The following DCDC1 variants were observed in gnomAD, a reference collection of about 807,000 sequenced individuals.
DCDC1 encodes doublecortin domain containing 1.
In DCDC1, 200 loss-of-function variants were observed where a neutral mutation model predicts 178.3. That is an observed-to-expected ratio of 1.12 (90% CI 1.00 to 1.26). The LOEUF is 1.26. Among genes scored for constraint, DCDC1 ranks in the 50% most tolerant of loss-of-function variants. The probability of loss-of-function intolerance (pLI) is 0.00; values close to 1 mark genes in which losing one functional copy is unlikely to be tolerated. For synonymous variants in DCDC1, 690 were observed against 604.8 expected (o/e 1.14, Z -2.07); for missense variants, 1,983 against 1,749.2 (o/e 1.13, Z -2.38).
At position 31,081,096 on chromosome 11, in the gene DCDC1, T is replaced by C. The variant is rs1431350419; in HGVS notation, c.2238-3171A>G. On this transcript the variant is annotated intron_variant, in intron 17 of 38. Transcript: ENST00000684477. The stretch of plus-strand genomic sequence containing the variant: ...GGCAACTGTGTGAGGGCAGAGACCA[T>C]GTATCCTCAGAGCTGATCACAAGGC... Among the ~76,000 whole-genome samples the C allele has an allele frequency of 2.0e-5, 3 of 152,176 alleles. No individual in the cohort carries two copies. In the South Asian group the frequency reaches 6.2e-4, roughly 32 times the overall value.
chr11:31,081,742 T>C (rs755640213), intron 17 of DCDC1, among the ~76,000 whole-genome samples: 5 of 152,230 alleles, frequency 3.3e-5, no homozygotes, highest in African/African-American at 4.8e-5. Flanking sequence ...TAAAACCATG[T>C]AGTCTTATAT....
intron 20 of DCDC1, among the ~76,000 whole-genome samples, chr11:30,984,973 A>G (rs937386157): frequency 1.3e-5 from 2 of 152,208 alleles, no homozygotes; most frequent in African/African-American, 4.8e-5. Flanking sequence ...CCAGGGTCTC[A>G]AAGTCCCCAC....
chr11:31,192,603 A>G (rs1057069843), intron 9 of DCDC1, among the ~76,000 whole-genome samples: 1 of 152,118 alleles, frequency 6.6e-6, no homozygotes, highest in African/African-American at 2.4e-5. Flanking sequence ...TGATATGCAT[A>G]CATACACATA....
chr11:31,040,855 C>T (rs1017868484), intron 20 of DCDC1, among the ~76,000 whole-genome samples: 10 of 152,160 alleles, frequency 6.6e-5, no homozygotes, highest in African/African-American at 2.4e-4. Flanking sequence ...GCTAGAAAAG[C>T]TGGGTCAATA....
chr11:31,102,142 G>A (rs777807576), intron 15 of DCDC1, 35 bp downstream of exon 15: 28 of 622,642 alleles, frequency 4.5e-5, no homozygotes, highest in Middle Eastern at 5.0e-4. Flanking sequence ...AATACATAAA[G>A]TGCACCTTTT....
rs1464577517 is a variant in DCDC1 at position 30,925,359 on chromosome 11, C to G, written c.2947G>C (p.Glu983Gln). 1.1e-5 allele frequency: 18 copies of G among 1,613,620 alleles called. No individual in the cohort carries two copies. Among genetic ancestry groups the G allele is most frequent in the Non-Finnish European group, 1.5e-5 (18 of 1,179,786 alleles). Residue 983 changes from glutamate (E) to glutamine (Q), a missense_variant, in exon 23 of 39, where the codon GAA (glutamate) becomes CAA (glutamine). Transcript: ENST00000684477. ...LPSAARRLYN[E>Q]KGKEIFALKD... is the part of the protein sequence containing the mutation. ...AAGGCAAATATTTCCTTCCCCTTTTCATTGTACAATCTCCGAGCTGCAGAA... is the reference window on the plus strand; with the variant it reads ...AAGGCAAATATTTCCTTCCCCTTTTGATTGTACAATCTCCGAGCTGCAGAA...
At chr11:31,108,195 A>G (rs1424439452) in intron 12 of DCDC1, among the ~76,000 whole-genome samples, 1 of 152,160 alleles carries the variant, frequency 6.6e-6, no homozygotes, top group Non-Finnish European at 1.5e-5. Flanking sequence ...TCTCCAACTT[A>G]GTGTTTTCAT....
intron 22 of DCDC1, among the ~76,000 whole-genome samples, chr11:30,925,963 T>C (rs1339866833): frequency 6.6e-6 from 1 of 152,098 alleles, no homozygotes; most frequent in Non-Finnish European, 1.5e-5. Flanking sequence ...GAACACTGAT[T>C]TCCCACTCCC....
intron 1 of DCDC1, among the ~76,000 whole-genome samples, chr11:31,355,460 C>G (rs1564924020): frequency 6.6e-6 from 1 of 152,228 alleles, no homozygotes; most frequent in South Asian, 2.1e-4. Context: ...AATTGACATA[C>G]CTCTTTTCCC....
chr11:31,311,401 A>G (rs1948766670), intron 3 of DCDC1, among the ~76,000 whole-genome samples: 1 of 152,242 alleles, frequency 6.6e-6, no homozygotes, highest in Admixed American at 6.5e-5. Context: ...TGGCACACTA[A>G]GATGAGCAGA....
At chr11:31,295,787 T>G (rs1305219692) in intron 6 of DCDC1, among the ~76,000 whole-genome samples, 2 of 152,146 alleles carry the variant, frequency 1.3e-5, no homozygotes, top group Non-Finnish European at 2.9e-5. Context: ...GTTCTGCTTC[T>G]AGGGAATCTG....
rs1940867107 is a variant in DCDC1, at chr11:30,865,157, G to A, written c.*216C>T. On this transcript the variant is annotated 3_prime_UTR_variant, in exon 39 of 39. Transcript: ENST00000684477. ...TTACAGTCTTGAGAAATCACTGTCA[G>A]GGTTTATTTAAAATGCAGATTTTTG... is the stretch of plus-strand genomic sequence containing the variant. The A allele has an allele frequency of 2.0e-5, 3 of 152,082 alleles. No individual in the cohort carries two copies. The highest frequency in any genetic ancestry group is 7.2e-5 in the African/African-American group (3 of 41,424). 9.4% of individuals were successfully genotyped at this position (152,082 alleles called of 1,614,324 possible).
chr11:31,044,201 G>A (rs1954666832), intron 20 of DCDC1, among the ~76,000 whole-genome samples: 1 of 152,106 alleles, frequency 6.6e-6, no homozygotes, highest in South Asian at 2.1e-4. Flanking sequence ...ACAGGGGCCG[G>A]GCACGGTGGC....
intron 6 of DCDC1, among the ~76,000 whole-genome samples, chr11:31,297,237 T>G (rs1947755281): frequency 6.6e-6 from 1 of 151,210 alleles, no homozygotes; most frequent in Admixed American, 6.6e-5. Flanking sequence ...GTGAGTGGAG[T>G]GAGTAGCAAC....
chr11:31,289,398 T>C (rs1475384197), intron 7 of DCDC1, among the ~76,000 whole-genome samples: 3 of 152,002 alleles, frequency 2.0e-5, no homozygotes, highest in Non-Finnish European at 2.9e-5. Context: ...TCCCTTAATA[T>C]CATAATCAAA....
chr11:31,065,289 C>T (rs1226138374), intron 18 of DCDC1, 136 bp from the exon 19 acceptor site: 3 of 467,782 alleles, frequency 6.4e-6, no homozygotes, highest in Non-Finnish European at 1.1e-5. Flanking sequence ...ACTTTATTAT[C>T]AATTTCATAA....
chr11:31,293,321 C>A (rs1947366761), intron 6 of DCDC1, among the ~76,000 whole-genome samples: 1 of 152,084 alleles, frequency 6.6e-6, no homozygotes, highest in Non-Finnish European at 1.5e-5. Flanking sequence ...GGCTGAGAAG[C>A]AACCGAAGGA....
chr11:31,240,251 T>C (rs1159683101), intron 9 of DCDC1, among the ~76,000 whole-genome samples: 2 of 152,178 alleles, frequency 1.3e-5, no homozygotes, highest in Admixed American at 6.6e-5. Context: ...AAATATTTTA[T>C]ACTAGTTTCT....
chr11:31,099,140 T>G (rs985080163), intron 15 of DCDC1, among the ~76,000 whole-genome samples: 4 of 152,214 alleles, frequency 2.6e-5, no homozygotes, highest in African/African-American at 9.6e-5. Context: ...CTCTGATATC[T>G]CTTTGCTATC....
Sources: allele counts gnomAD v4.1 joint callset (sites outside exome capture counted in the v4.1 genomes callset), GRCh38; gene constraint gnomAD v4.1.1; transcripts MANE v1.5; gene names NCBI Gene and HGNC (gene_info 2026-07-23, HGNC 2026-07-21).